Variants in WIPF1 observed in about 807,000 individuals in gnomAD.
WIPF1 encodes WAS/WASL-interacting protein family member 1.
In WIPF1, 13 loss-of-function variants were observed where a neutral mutation model predicts 35.4. The observed-to-expected ratio is 0.37, with a 90% CI of 0.24 to 0.58. WIPF1 has a LOEUF of 0.58. Ranked by LOEUF, WIPF1 falls within the 20% of genes least tolerant of loss-of-function variation. The pLI is 0.74. For missense variants in WIPF1, 591 were observed against 667.0 expected (o/e 0.89, Z 1.25); for synonymous variants, 267 against 266.3 (o/e 1.00, Z -0.02).
intron 1 of WIPF1, among the ~76,000 whole-genome samples, chr2:174,619,530 T>C (rs1404485539): frequency 1.3e-5 from 2 of 152,224 alleles, no homozygotes; most frequent in South Asian, 2.1e-4. Context: ...GGTAGGATTA[T>C]GCTATAGAAT....
intron 2 of WIPF1, among the ~76,000 whole-genome samples, chr2:174,582,677 C>A (rs963352242): frequency 2.0e-5 from 3 of 151,000 alleles, no homozygotes; most frequent in African/African-American, 7.3e-5. Context: ...CCTGCCTCAG[C>A]CTCCTGAGTA....
intron 1 of WIPF1, among the ~76,000 whole-genome samples, chr2:174,671,269 A>C (rs1688011639): frequency 6.6e-6 from 1 of 152,176 alleles, no homozygotes; most frequent in Non-Finnish European, 1.5e-5. Context: ...AGTTATGAAG[A>C]TTTCATGGAC....
intron 1 of WIPF1, among the ~76,000 whole-genome samples, chr2:174,593,214 G>A (rs1685681056): frequency 6.6e-6 from 1 of 151,640 alleles, no homozygotes; most frequent in South Asian, 2.1e-4. Context: ...ATAAGTACAT[G>A]TACATCTCTC....
chr2:174,604,006 C>T (rs556507523), intron 1 of WIPF1, among the ~76,000 whole-genome samples: 1 of 152,092 alleles, frequency 6.6e-6, no homozygotes, highest in African/African-American at 2.4e-5. Context: ...CTTCATAGGC[C>T]ATTTTACACA....
intron 1 of WIPF1, among the ~76,000 whole-genome samples, chr2:174,594,211 T>C (rs914069017): frequency 3.3e-5 from 5 of 152,248 alleles, no homozygotes; most frequent in African/African-American, 1.2e-4. Flanking sequence ...GCTTCTTTTA[T>C]AGTTCTTTTA....
At chr2:174,671,774 T>G (rs1052313855) in intron 1 of WIPF1, among the ~76,000 whole-genome samples, 1 of 145,308 alleles carries the variant, frequency 6.9e-6, no homozygotes, top group African/African-American at 2.8e-5. Flanking sequence ...GCCTAGTAAA[T>G]TTTAGCCTAG....
At position 174,585,545 on chromosome 2, in the gene WIPF1, G is replaced by A. The variant is rs1175790384; in HGVS notation, c.29C>T (p.Pro10Leu). Residue 10 changes from proline (P) to leucine (L), a missense_variant, in exon 2 of 8, where the codon CCG (proline) becomes CTG (leucine). Transcript: ENST00000679041. ...CACCAGTGCAAACGTCGGGGGCGGC[G>A]GGGGTGCTGGAGGGGGAGGGACAGG... Reference protein sequence around the residue: MPVPPPPAPPPPPTFALANT... With the variant: MPVPPPPAPLPPPTFALANT... 7 of 1,612,144 alleles carry A rather than the reference G, an allele frequency of 4.3e-6. No individual in the cohort carries two copies. Among genetic ancestry groups the A allele is most frequent in the African/African-American group, 4.0e-5 (3 of 74,744 alleles).
At chr2:174,609,741 G>A (rs192574747) in intron 1 of WIPF1, among the ~76,000 whole-genome samples, 1 of 152,370 alleles carries the variant, frequency 6.6e-6, no homozygotes, top group Admixed American at 6.5e-5. Context: ...CACGGGGTCA[G>A]TCGGGGCTGG....
intron 1 of WIPF1, among the ~76,000 whole-genome samples, chr2:174,605,815 T>G (rs191372980): frequency 1.8e-4 from 28 of 152,184 alleles, no homozygotes; most frequent in Admixed American, 9.2e-4. Flanking sequence ...CTACTTTTCA[T>G]ATATATTTAA....
intron 1 of WIPF1, among the ~76,000 whole-genome samples, chr2:174,586,058 C>T (rs889277900): frequency 2.6e-5 from 4 of 152,186 alleles, no homozygotes; most frequent in Admixed American, 6.5e-5. Flanking sequence ...TCCTGACATT[C>T]GCCAAGTCTG....
At chr2:174,567,481 G>A (rs1684699011) in intron 6 of WIPF1, among the ~76,000 whole-genome samples, 1 of 152,250 alleles carries the variant, frequency 6.6e-6, no homozygotes, top group Non-Finnish European at 1.5e-5. Context: ...TGATAACAAT[G>A]GCAGAGATAG....
chr2:174,669,156 T>G (rs1168110760), intron 1 of WIPF1, among the ~76,000 whole-genome samples: 1 of 152,242 alleles, frequency 6.6e-6, no homozygotes, highest in African/African-American at 2.4e-5. Context: ...CCCTGACTTC[T>G]GTGGCCATGG....
Position 174,572,462 on chromosome 2 carries a change from A to G in WIPF1, c.359-16T>C. 6.2e-7 allele frequency: 1 copy of G among 1,614,078 alleles called. No homozygotes were observed. The highest frequency in any genetic ancestry group is 8.5e-7 in the Non-Finnish European group (1 of 1,179,990). ...CCTCCAGAATCTGAAGAACAGGAAA[A>G]CAAACATCAGTTAGGAAATCAGGAA... On this transcript the variant is annotated splice_polypyrimidine_tract_variant and intron_variant, in intron 4 of 7. Transcript: ENST00000679041.
intron 1 of WIPF1, among the ~76,000 whole-genome samples, chr2:174,632,898 G>C (rs1335596715): frequency 6.6e-6 from 1 of 152,240 alleles, no homozygotes; most frequent in East Asian, 1.9e-4. Context: ...TCCTTCGAGG[G>C]ATGTCCAGCC....
chr2:174,568,069 G>A lies in WIPF1; in HGVS notation c.1134C>T (p.Pro378=), dbSNP rs1684720138. ...PVRDPPGRSG[P]LPPPPPVSRN... ...TGCTTACTGGAGGAGGTGGTGGGAG[G>A]GGGCCTGGAGCAAAAAAAGACACTT... is the stretch of plus-strand genomic sequence containing the variant. The change falls in exon 6 of 8, where the codon CCC becomes CCT. Residue 378 remains proline (P), a synonymous_variant. Transcript: ENST00000679041. The A allele has an allele frequency of 6.2e-7, 1 of 1,611,546 alleles. No individual in the cohort carries two copies. The highest frequency in any genetic ancestry group is 8.5e-7 in the Non-Finnish European group (1 of 1,179,646).
rs953884928 is a variant in WIPF1 at position 174,590,654 on chromosome 2, C to G, written c.-38-5043G>C. Among the ~76,000 whole-genome samples, 1 of 152,194 alleles carries G rather than the reference C, an allele frequency of 6.6e-6. No individual in the cohort carries two copies. Among genetic ancestry groups the G allele is most frequent in the Non-Finnish European group, 1.5e-5 (1 of 68,034 alleles). On this transcript the variant is annotated intron_variant, in intron 1 of 7. Coordinates refer to ENST00000679041, the MANE Select transcript of WIPF1 (RefSeq NM_001375834.1). This position sits in a 1 kb window ranked among gnomAD's most constrained non-coding sequence, Gnocchi z 4.6. ...GCATCAGAATCTGCTGTGCCTGTGT[C>G]CGGCTTCCCAGACTAGTTGGGCTCT...
chr2:174,669,646 C>G (rs1375364954), intron 1 of WIPF1, among the ~76,000 whole-genome samples: 1 of 152,220 alleles, frequency 6.6e-6, no homozygotes, highest in East Asian at 1.9e-4. Context: ...ACTTGGGAGG[C>G]TGAGAACTGC....
chr2:174,586,471 T>C (rs910325128), intron 1 of WIPF1, among the ~76,000 whole-genome samples: 4 of 152,124 alleles, frequency 2.6e-5, no homozygotes, highest in Non-Finnish European at 5.9e-5. Flanking sequence ...CCAGATTCCG[T>C]AGCTGGGTAG....
chr2:174,600,595 CT>C (rs1685970316), upstream of WIPF1, among the ~76,000 whole-genome samples: 1 of 152,188 alleles, frequency 6.6e-6, no homozygotes, highest in Non-Finnish European at 1.5e-5. Flanking sequence ...CTTTTTGTTC[CT>C]TTTTATTCTT....
Sources: allele counts gnomAD v4.1 joint callset (sites outside exome capture counted in the v4.1 genomes callset), GRCh38; gene constraint gnomAD v4.1.1; non-coding constraint Gnocchi (gnomAD v3.1); transcripts MANE v1.5; gene names NCBI Gene and HGNC (gene_info 2026-07-23, HGNC 2026-07-21).